The following RHOB variants were observed in gnomAD, a reference collection of about 807,000 sequenced individuals.
The protein encoded by RHOB is rho-related GTP-binding protein RhoB.
RHOB carries 6 observed loss-of-function variants against 12.9 expected under a neutral mutation model. That is an observed-to-expected ratio of 0.47 (90% confidence interval 0.25 to 0.92). The LOEUF (loss-of-function observed/expected upper bound fraction) is 0.92, where lower values mean the gene tolerates loss of function less well. RHOB is among the 40% of genes least tolerant of loss of function. RHOB has a pLI of 0.16. For missense variants in RHOB, 142 were observed against 277.9 expected (o/e 0.51, Z 3.48); for synonymous variants, 168 against 122.1 (o/e 1.38, Z -2.48).
chr2:20,448,174 ATC>A lies in RHOB; in HGVS notation c.*120_*121del, dbSNP rs1168047909. 13 of 923,668 alleles carry A rather than the reference ATC, an allele frequency of 1.4e-5. No individual in the cohort carries two copies. Among genetic ancestry groups the A allele is most frequent in the Non-Finnish European group, 1.9e-5 (12 of 618,174 alleles). 57.2% of individuals were successfully genotyped at this position (923,668 alleles called of 1,614,324 possible). On this transcript the variant is annotated 3_prime_UTR_variant, in exon 1 of 1. Coordinates refer to ENST00000272233, the MANE Select transcript of RHOB (RefSeq NM_004040.4). Reference sequence around the variant, plus strand: ...CAAGGACCCCACCGGCCTGCCTGGCATCTGTCTGCTGACGCCTCTGGCTTGCG... The same window carrying A: ...CAAGGACCCCACCGGCCTGCCTGGCATGTCTGCTGACGCCTCTGGCTTGCG...
At position 20,447,708 on chromosome 2, in the gene RHOB, C is replaced by A; in HGVS notation, c.243C>A (p.Leu81=). ...CCTACCCGGACACCGACGTCATTCT[C>A]ATGTGCTTCTCGGTGGACAGCCCGG... ...PLSYPDTDVI[L]MCFSVDSPDS... The change falls in exon 1 of 1, where the codon CTC becomes CTA. Residue 81 remains leucine, a synonymous_variant. Transcript: ENST00000272233. The A allele has an allele frequency of 1.9e-6, 3 of 1,613,764 alleles. No individual in the cohort carries two copies. Among genetic ancestry groups the A allele is most frequent in the Non-Finnish European group, 2.5e-6 (3 of 1,179,896 alleles).
In RHOB at chr2:20,447,449, C is replaced by T; in HGVS notation, c.-17C>T. ...GCGTTCGCGGGCCCCCTCCTGCTGC[C>T]CGGGCCCGGCCCGCTCATGGCGGCC... On this transcript the variant is annotated 5_prime_UTR_variant, in exon 1 of 1. Coordinates refer to ENST00000272233, the MANE Select transcript of RHOB (RefSeq NM_004040.4). 1.3e-6 allele frequency: 2 copies of T among 1,587,390 alleles called. No homozygotes were observed. Among genetic ancestry groups the T allele is most frequent in the East Asian group, 2.2e-5 (1 of 44,604 alleles).
rs759602025 is a variant in RHOB, at chr2:20,447,270, G to A, written c.-196G>A. 1 of 408,808 alleles carries A rather than the reference G, an allele frequency of 2.4e-6. No homozygotes were observed. Among genetic ancestry groups the A allele is most frequent in the Admixed American group, 4.6e-5 (1 of 21,814 alleles). The allele number at this position is 408,808 out of a possible 1,614,324, so 25.3% of individuals were successfully genotyped here. A position where few individuals can be genotyped will look rare whatever the true frequency, so the allele number is the denominator to read the frequency against. ...AGCAGCGCGGCGAGACGCACGGTGC[G>A]CCCTATGCCCCCGCGCCCCCACCGC... On this transcript the variant is annotated 5_prime_UTR_variant, in exon 1 of 1. Coordinates refer to ENST00000272233, the MANE Select transcript of RHOB (RefSeq NM_004040.4).
Position 20,447,199 on chromosome 2 carries a change from G to A in RHOB, c.-267G>A, listed in dbSNP as rs182910766. ...TGCCCGAGCCCGCGTTACGCACAAA[G>A]CCGCCGATCCCCGGCCTGGGGTGAG... On this transcript the variant is annotated 5_prime_UTR_variant, in exon 1 of 1. Coordinates refer to ENST00000272233, the MANE Select transcript of RHOB (RefSeq NM_004040.4). 2,459 of 334,890 alleles carry A rather than the reference G, an allele frequency of 7.3e-3. 60 individuals are homozygous for A. The highest frequency in any genetic ancestry group is 0.05 in the African/African-American group (2,307 of 46,526). The allele number at this position is 334,890 out of a possible 1,614,324, so 20.7% of individuals were successfully genotyped here.
rs142222635 is a variant in RHOB, at chr2:20,447,825, C to T, written c.360C>T (p.Asp120=). ...VPIILVANKK[D]LRSDEHVRTE... is the part of the protein sequence containing the mutation. Reference sequence around the variant, plus strand: ...TCATCCTGGTGGCCAACAAAAAAGACCTGCGCAGCGACGAGCATGTCCGCA... The same window carrying T: ...TCATCCTGGTGGCCAACAAAAAAGATCTGCGCAGCGACGAGCATGTCCGCA... The change falls in exon 1 of 1, where the codon GAC becomes GAT. Residue 120 remains aspartate, a synonymous_variant. Transcript: ENST00000272233. 117 of 1,613,894 alleles carry T rather than the reference C, an allele frequency of 7.2e-5. No individual in the cohort carries two copies. The African/African-American group carries it at 1.3e-3, about 18-fold the overall frequency.
rs1691008631 is a variant in RHOB at position 20,447,092 on chromosome 2, G to A, written c.-374G>A. 1 of 201,868 alleles carries A rather than the reference G, an allele frequency of 5.0e-6. No homozygotes were observed. Among genetic ancestry groups the A allele is most frequent in the African/African-American group, 2.3e-5 (1 of 43,246 alleles). 12.5% of individuals were successfully genotyped at this position (201,868 alleles called of 1,614,324 possible). On this transcript the variant is annotated 5_prime_UTR_variant, in exon 1 of 1. Transcript: ENST00000272233. The stretch of plus-strand genomic sequence containing the variant: ...AGCCCTCATCTGCCACCGCAGTCTG[G>A]TTGGAGCTGTTGTCTTGTATGCTCA...
rs1573124329 is a variant in RHOB, at chr2:20,447,876, A to G, written c.411A>G (p.Glu137=). The part of the protein sequence containing the change: ...VRTELARMKQ[E]PVRTDDGRAM... ...CAGAGCTGGCCCGCATGAAGCAGGA[A>G]CCCGTGCGCACGGATGACGGCCGCG... Residue 137 remains glutamate, a synonymous_variant, in exon 1 of 1, where the codon GAA becomes GAG. Coordinates refer to ENST00000272233, the MANE Select transcript of RHOB (RefSeq NM_004040.4). The G allele has an allele frequency of 4.3e-6, 7 of 1,613,374 alleles. No individual in the cohort carries two copies. Among genetic ancestry groups the G allele is most frequent in the African/African-American group, 1.3e-5 (1 of 75,052 alleles).
In RHOB at chr2:20,448,752, T is replaced by G. The variant is rs2149248414; in HGVS notation, c.*696T>G. On this transcript the variant is annotated 3_prime_UTR_variant, in exon 1 of 1. Coordinates refer to ENST00000272233, the MANE Select transcript of RHOB (RefSeq NM_004040.4). Reference sequence around the variant, plus strand: ...CAGCCTCTCCTGCGGGCCAGCCCGCTGCGAACCCTCCACCAGCTACCGGAG... The same window carrying G: ...CAGCCTCTCCTGCGGGCCAGCCCGCGGCGAACCCTCCACCAGCTACCGGAG... The G allele has an allele frequency of 6.0e-6, 1 of 167,108 alleles. No individual in the cohort carries two copies. The highest frequency in any genetic ancestry group is 1.9e-4 in the East Asian group (1 of 5,176). 10.4% of individuals were successfully genotyped at this position (167,108 alleles called of 1,614,324 possible).
Position 20,448,173 on chromosome 2 carries a change from C to T in RHOB, c.*117C>T, listed in dbSNP as rs1691038692. On this transcript the variant is annotated 3_prime_UTR_variant, in exon 1 of 1. Coordinates refer to ENST00000272233, the MANE Select transcript of RHOB (RefSeq NM_004040.4). ...ACAAGGACCCCACCGGCCTGCCTGG[C>T]ATCTGTCTGCTGACGCCTCTGGCTT... 1 of 922,648 alleles carries T rather than the reference C, an allele frequency of 1.1e-6. No individual in the cohort carries two copies. The highest frequency in any genetic ancestry group is 2.6e-5 in the East Asian group (1 of 37,806). 57.2% of individuals were successfully genotyped at this position (922,648 alleles called of 1,614,324 possible).
rs965710269 is a variant in RHOB at position 20,449,366 on chromosome 2, T to G, written c.*1310T>G. ...ATGACAAAATGGTGAGCTTATGATGTTTACATAAAAGTTCTATAAGCTGTG... is the reference window on the plus strand; with the variant it reads ...ATGACAAAATGGTGAGCTTATGATGGTTACATAAAAGTTCTATAAGCTGTG... On this transcript the variant is annotated 3_prime_UTR_variant, in exon 1 of 1. Transcript: ENST00000272233. The G allele has an allele frequency of 6.0e-6, 1 of 167,078 alleles. No homozygotes were observed. The highest frequency in any genetic ancestry group is 1.5e-5 in the Non-Finnish European group (1 of 68,132). The allele number at this position is 167,078 out of a possible 1,614,324, so 10.3% of individuals were successfully genotyped here. A position where few individuals can be genotyped will look rare whatever the true frequency, so the allele number is the denominator to read the frequency against.
Position 20,448,810 on chromosome 2 carries a change from T to G in RHOB, c.*754T>G, listed in dbSNP as rs1323498084. The G allele has an allele frequency of 6.0e-6, 1 of 167,184 alleles. No individual in the cohort carries two copies. Among genetic ancestry groups the G allele is most frequent in the Admixed American group, 6.5e-5 (1 of 15,294 alleles). 10.4% of individuals were successfully genotyped at this position (167,184 alleles called of 1,614,324 possible). A position where few individuals can be genotyped will look rare whatever the true frequency, so the allele number is the denominator to read the frequency against. On this transcript the variant is annotated 3_prime_UTR_variant, in exon 1 of 1. Coordinates refer to ENST00000272233, the MANE Select transcript of RHOB (RefSeq NM_004040.4). ...GGAGGATGCGCTGTGGGGTTGTTTT[T>G]GCCATAAGCGAACTTTGTGCCTGTC...
Position 20,447,407 on chromosome 2 carries a change from A to C in RHOB, c.-59A>C. ...AGCCCGAGGTGAGCAGTGAGCGGCG[A>C]GCGGGAGGGCAGCGAGGCGTTCGCG... On this transcript the variant is annotated 5_prime_UTR_variant, in exon 1 of 1. Transcript: ENST00000272233. 1 of 1,385,788 alleles carries C rather than the reference A, an allele frequency of 7.2e-7. No individual in the cohort carries two copies. The highest frequency in any genetic ancestry group is 1.3e-5 in the South Asian group (1 of 75,412). The allele number at this position is 1,385,788 out of a possible 1,614,324, so 85.8% of individuals were successfully genotyped here.
Position 20,448,380 on chromosome 2 carries a change from C to T in RHOB, c.*324C>T. ...TTCGACTCCCCTCGCCCCATTTTCA[C>T]CCCACCCCCGCCTCTGATCCCCGGG... On this transcript the variant is annotated 3_prime_UTR_variant, in exon 1 of 1. Coordinates refer to ENST00000272233, the MANE Select transcript of RHOB (RefSeq NM_004040.4). 3.0e-6 allele frequency: 1 copy of T among 328,670 alleles called. No individual in the cohort carries two copies. Among genetic ancestry groups the T allele is most frequent in the Non-Finnish European group, 5.9e-6 (1 of 168,468 alleles). The allele number at this position is 328,670 out of a possible 1,614,324, so 20.4% of individuals were successfully genotyped here.
chr2:20,447,849 C>T lies in RHOB; in HGVS notation c.384C>T (p.Arg128=), dbSNP rs1413176702. The T allele has an allele frequency of 1.2e-6, 2 of 1,613,576 alleles. No homozygotes were observed. The highest frequency in any genetic ancestry group is 2.2e-5 in the East Asian group (1 of 44,878). ...KKDLRSDEHV[R]TELARMKQEP... ...ACCTGCGCAGCGACGAGCATGTCCG[C>T]ACAGAGCTGGCCCGCATGAAGCAGG... Residue 128 remains arginine, a synonymous_variant, in exon 1 of 1, where the codon CGC becomes CGT. Coordinates refer to ENST00000272233, the MANE Select transcript of RHOB (RefSeq NM_004040.4).
Position 20,447,382 on chromosome 2 carries a change from A to T in RHOB, c.-84A>T. On this transcript the variant is annotated 5_prime_UTR_variant, in exon 1 of 1. Transcript: ENST00000272233. Reference sequence around the variant, plus strand: ...AGCGACCCTCTCGCCACCTGCGCGCAGCCCGAGGTGAGCAGTGAGCGGCGA... The same window carrying T: ...AGCGACCCTCTCGCCACCTGCGCGCTGCCCGAGGTGAGCAGTGAGCGGCGA... 9.1e-7 allele frequency: 1 copy of T among 1,092,946 alleles called. No individual in the cohort carries two copies. The highest frequency in any genetic ancestry group is 1.3e-6 in the Non-Finnish European group (1 of 795,426). The allele number at this position is 1,092,946 out of a possible 1,614,324, so 67.7% of individuals were successfully genotyped here. A position where few individuals can be genotyped will look rare whatever the true frequency, so the allele number is the denominator to read the frequency against.
In RHOB at chr2:20,448,498, C is replaced by CG. The variant is rs1691046516; in HGVS notation, c.*445dup. On this transcript the variant is annotated 3_prime_UTR_variant, in exon 1 of 1. Coordinates refer to ENST00000272233, the MANE Select transcript of RHOB (RefSeq NM_004040.4). ...TATCCCTTGTCTGTAACATAGACCCCGGGTACTGCGGGAGGGGAGGGCTGC... is the reference window on the plus strand; with the variant it reads ...TATCCCTTGTCTGTAACATAGACCCCGGGGTACTGCGGGAGGGGAGGGCTGC... 5.7e-6 allele frequency: 1 copy of CG among 174,188 alleles called. No individual in the cohort carries two copies. Among genetic ancestry groups the CG allele is most frequent in the Non-Finnish European group, 1.4e-5 (1 of 72,976 alleles). The allele number at this position is 174,188 out of a possible 1,614,324, so 10.8% of individuals were successfully genotyped here.
Position 20,449,133 on chromosome 2 carries a change from C to T in RHOB, c.*1077C>T, listed in dbSNP as rs776978328. 3.0e-5 allele frequency: 5 copies of T among 166,144 alleles called. No individual in the cohort carries two copies. The highest frequency in any genetic ancestry group is 7.4e-5 in the Non-Finnish European group (5 of 68,022). The allele number at this position is 166,144 out of a possible 1,614,324, so 10.3% of individuals were successfully genotyped here. A position where few individuals can be genotyped will look rare whatever the true frequency, so the allele number is the denominator to read the frequency against. ...TGATTTTATTTGTGCAGGTCATGCA[C>T]ACAGTTTTGATAAAGGGCAGTAACA... On this transcript the variant is annotated 3_prime_UTR_variant, in exon 1 of 1. Coordinates refer to ENST00000272233, the MANE Select transcript of RHOB (RefSeq NM_004040.4).
rs1284318402 is a variant in RHOB at position 20,447,455 on chromosome 2, C to T, written c.-11C>T. 6.3e-7 allele frequency: 1 copy of T among 1,598,834 alleles called. No individual in the cohort carries two copies. Among genetic ancestry groups the T allele is most frequent in the African/African-American group, 1.3e-5 (1 of 74,918 alleles). ...GCGGGCCCCCTCCTGCTGCCCGGGCCCGGCCCGCTCATGGCGGCCATCCGC... is the reference window on the plus strand; with the variant it reads ...GCGGGCCCCCTCCTGCTGCCCGGGCTCGGCCCGCTCATGGCGGCCATCCGC... On this transcript the variant is annotated 5_prime_UTR_variant, in exon 1 of 1. Transcript: ENST00000272233.
At position 20,447,308 on chromosome 2, in the gene RHOB, A is replaced by C; in HGVS notation, c.-158A>C. On this transcript the variant is annotated 5_prime_UTR_variant, in exon 1 of 1. Coordinates refer to ENST00000272233, the MANE Select transcript of RHOB (RefSeq NM_004040.4). ...GCGCCCCCACCGCCCCCGCCGCGGC[A>C]GCCGAAGCGCAGCGAGAGAACGCGC... The C allele has an allele frequency of 2.0e-6, 1 of 493,666 alleles. No homozygotes were observed. The highest frequency in any genetic ancestry group is 3.3e-6 in the Non-Finnish European group (1 of 300,190). The allele number at this position is 493,666 out of a possible 1,614,324, so 30.6% of individuals were successfully genotyped here.
Sources: gnomAD v4.1 joint callset for allele counts on GRCh38, gnomAD v4.1.1 for gene constraint, MANE v1.5 for transcripts, NCBI Gene and HGNC (gene_info 2026-07-23, HGNC 2026-07-21) for gene names.